Variants in AKAP19 observed in about 807,000 individuals in gnomAD.
The protein encoded by AKAP19 is A-kinase anchoring protein 19, also known as small A-kinase anchoring protein.
the AKAP19 span, among the ~76,000 whole-genome samples, chr2:189,936,062 A>G: frequency 6.6e-6 from 1 of 152,210 alleles, no homozygotes; most frequent in African/African-American, 2.4e-5. Flanking sequence ...GTAAGATTAT[A>G]AAATAATGGA....
chr2:190,048,602 C>G, the AKAP19 span, among the ~76,000 whole-genome samples: 1 of 152,152 alleles, frequency 6.6e-6, no homozygotes, highest in African/African-American at 2.4e-5. Context: ...AAAAAGAAAA[C>G]ATTTTTTAAA....
At chr2:189,933,730 T>TC in the AKAP19 span, among the ~76,000 whole-genome samples, 4 of 152,196 alleles carry the variant, frequency 2.6e-5, no homozygotes, top group African/African-American at 9.6e-5. Context: ...AACCTATTTT[T>TC]CTCAGTTTCT....
the AKAP19 span, among the ~76,000 whole-genome samples, chr2:190,187,956 G>A: frequency 3.9e-5 from 6 of 152,102 alleles, no homozygotes; most frequent in African/African-American, 1.4e-4. Flanking sequence ...ATAGTGTCAG[G>A]GCTCATTCTA....
chr2:189,982,177 A>G, the AKAP19 span, among the ~76,000 whole-genome samples: 1 of 151,750 alleles, frequency 6.6e-6, no homozygotes, highest in Non-Finnish European at 1.5e-5. Context: ...ACATAATCTC[A>G]TGTTTCTTGG....
At chr2:190,002,528 A>C in the AKAP19 span, among the ~76,000 whole-genome samples, 1 of 152,120 alleles carries the variant, frequency 6.6e-6, no homozygotes, top group Admixed American at 6.5e-5. Context: ...TGTACCCTAA[A>C]ACTTAAAGTA....
chr2:189,963,624 C>T, the AKAP19 span, among the ~76,000 whole-genome samples: 3 of 152,196 alleles, frequency 2.0e-5, no homozygotes, highest in African/African-American at 7.2e-5. Context: ...CTTCAAACTC[C>T]TGTGAATGTT....
the AKAP19 span, among the ~76,000 whole-genome samples, chr2:190,000,190 T>C: frequency 6.6e-6 from 1 of 152,222 alleles, no homozygotes; most frequent in Admixed American, 6.5e-5. Context: ...CTACTAATTA[T>C]ATTTCCTGGG....
At chr2:189,893,583 G>T in the AKAP19 span, among the ~76,000 whole-genome samples, 2 of 152,122 alleles carry the variant, frequency 1.3e-5, no homozygotes, top group African/African-American at 4.8e-5. Context: ...AATGAGCCGG[G>T]TACCTCAGTT....
the AKAP19 span, among the ~76,000 whole-genome samples, chr2:189,977,157 T>A: frequency 1.3e-5 from 2 of 152,206 alleles, no homozygotes; most frequent in Non-Finnish European, 2.9e-5. Flanking sequence ...GATAAATTGC[T>A]TTTTATCCCA....
At chr2:189,895,220 G>A in the AKAP19 span, among the ~76,000 whole-genome samples, 1 of 152,058 alleles carries the variant, frequency 6.6e-6, no homozygotes, top group Non-Finnish European at 1.5e-5. Flanking sequence ...GAGTGAAAAG[G>A]AAGATCACCA....
the AKAP19 span, among the ~76,000 whole-genome samples, chr2:190,008,433 C>A: frequency 6.6e-4 from 100 of 152,164 alleles, no homozygotes; most frequent in African/African-American, 2.3e-3. Context: ...TGGTTCATCT[C>A]ATTATGGTGT....
the AKAP19 span, among the ~76,000 whole-genome samples, chr2:190,052,258 C>T: frequency 2.0e-5 from 3 of 152,166 alleles, no homozygotes; most frequent in Non-Finnish European, 4.4e-5. Flanking sequence ...ACTTGAGTTG[C>T]CTGAAAAGTA....
At chr2:190,046,408 G>A in the AKAP19 span, among the ~76,000 whole-genome samples, 3 of 152,090 alleles carry the variant, frequency 2.0e-5, no homozygotes, top group African/African-American at 7.2e-5. Flanking sequence ...TTAACATTCA[G>A]ACCTTTATCA....
the AKAP19 span, among the ~76,000 whole-genome samples, chr2:189,936,386 T>A: frequency 6.6e-6 from 1 of 152,132 alleles, no homozygotes; most frequent in Non-Finnish European, 1.5e-5. Flanking sequence ...TACTTTGATA[T>A]ATGTATGATT....
At chr2:190,192,400 C>T in the AKAP19 span, among the ~76,000 whole-genome samples, 2 of 151,210 alleles carry the variant, frequency 1.3e-5, no homozygotes, top group Admixed American at 1.3e-4. Flanking sequence ...ATTGTTCTTT[C>T]TCAAAATTGT....
chr2:190,200,451 T>C, the AKAP19 span: 39 of 247,010 alleles, frequency 1.6e-4, no homozygotes, highest in African/African-American at 8.3e-4. Context: ...AAGAAAATGC[T>C]AAGGAATAAA....
chr2:190,194,114 G>C, the AKAP19 span, among the ~76,000 whole-genome samples: 1 of 152,160 alleles, frequency 6.6e-6, no homozygotes, highest in Non-Finnish European at 1.5e-5. Context: ...GGGGTGGTTA[G>C]AAATTGTACT....
At chr2:190,145,077 G>T in the AKAP19 span, among the ~76,000 whole-genome samples, 6 of 152,320 alleles carry the variant, frequency 3.9e-5, no homozygotes, top group African/African-American at 1.4e-4. Context: ...TTGAGCCCAG[G>T]AGTTCAAGAC....
At chr2:190,175,848 C>T in the AKAP19 span, among the ~76,000 whole-genome samples, 1,128 of 152,282 alleles carry the variant, frequency 7.4e-3, 16 homozygotes, top group African/African-American at 0.022. Flanking sequence ...TCAGATGTTG[C>T]CGATGTGATA....
Sources: allele counts gnomAD v4.1 joint callset (sites outside exome capture counted in the v4.1 genomes callset), GRCh38; gene constraint gnomAD v4.1.1; transcripts MANE v1.5; gene names NCBI Gene and HGNC (gene_info 2026-07-23, HGNC 2026-07-21).